The following PHIP variants were observed in gnomAD, a reference collection of about 807,000 sequenced individuals.
PHIP encodes PHIP subunit of CUL4-Ring ligase complex.
A neutral mutation model predicts 236.8 loss-of-function variants in PHIP; 54 were observed. That is an observed-to-expected ratio of 0.23 (90% CI 0.18 to 0.29). PHIP has a LOEUF of 0.29. Ranked by LOEUF, PHIP falls within the 10% of genes least tolerant of loss-of-function variation. PHIP has a pLI of 1.00. For missense variants in PHIP, 1,370 were observed against 2,190.8 expected (o/e 0.63, Z 7.48); for synonymous variants, 756 against 718.9 (o/e 1.05, Z -0.83).
intron 17 of PHIP, among the ~76,000 whole-genome samples, chr6:79,000,402 T>C (rs956861413): frequency 2.0e-5 from 3 of 152,084 alleles, no homozygotes; most frequent in African/African-American, 7.2e-5. Context: ...TCCCTGTGAT[T>C]CTATGACACA....
chr6:79,077,425 G>T, intron 4 of PHIP, 23 bp downstream of exon 4: 2 of 1,581,668 alleles, frequency 1.3e-6, no homozygotes, highest in Non-Finnish European at 1.7e-6. Context: ...AAGTTTCTTT[G>T]CTCTGCGACG....
At chr6:79,046,073 A>G (rs780344282) in intron 6 of PHIP, among the ~76,000 whole-genome samples, 1 of 152,166 alleles carries the variant, frequency 6.6e-6, no homozygotes, top group Non-Finnish European at 1.5e-5. Flanking sequence ...TTCCTGATAC[A>G]TCAGCCTAAG....
Position 78,935,516 on chromosome 6 carries a change from CT to C in PHIP, c.*5176del. ...CAAAGTGTTCCACTGAAATGTATCT[CT>C]TACGAAAGTATCTGAATAGTGAAGT... is the stretch of plus-strand genomic sequence containing the variant. On this transcript the variant is annotated 3_prime_UTR_variant, in exon 40 of 40. Transcript: ENST00000275034. The C allele has an allele frequency of 1.0e-6, 1 of 977,888 alleles. No individual in the cohort carries two copies. The highest frequency in any genetic ancestry group is 1.2e-6 in the Non-Finnish European group (1 of 823,180). The allele number at this position is 977,888 out of a possible 1,614,324, so 60.6% of individuals were successfully genotyped here. A position where few individuals can be genotyped will look rare whatever the true frequency, so the allele number is the denominator to read the frequency against.
intron 24 of PHIP, among the ~76,000 whole-genome samples, chr6:78,973,243 A>G (rs1016050263): frequency 6.6e-6 from 1 of 151,884 alleles, no homozygotes; most frequent in African/African-American, 2.4e-5. Flanking sequence ...AAAGAAAAGA[A>G]TTTTCAACCC....
chr6:79,072,896 A>C (rs1314964671), intron 4 of PHIP, among the ~76,000 whole-genome samples: 1 of 152,218 alleles, frequency 6.6e-6, no homozygotes, highest in Non-Finnish European at 1.5e-5. Flanking sequence ...TAAGCAGAAC[A>C]ACCTTTACTA....
At chr6:78,967,219 G>A (rs1324709734) in intron 27 of PHIP, among the ~76,000 whole-genome samples, 1 of 152,164 alleles carries the variant, frequency 6.6e-6, no homozygotes, top group East Asian at 1.9e-4. Context: ...GGAGCCAGGA[G>A]AAAAGTTAAT....
chr6:78,947,053 G>T (rs1166859135), intron 36 of PHIP, among the ~76,000 whole-genome samples, 179 bp from the exon 37 acceptor site: 2 of 152,002 alleles, frequency 1.3e-5, no homozygotes, highest in Admixed American at 1.3e-4. Flanking sequence ...TAACAATTAT[G>T]TATTTTTGTG....
rs1323556906 is a variant in PHIP, at chr6:78,997,455, A to C, written c.2160T>G (p.Ser720Arg). Residue 720 changes from serine to arginine, a missense_variant, in exon 19 of 40, where the codon AGT (serine) becomes AGG (arginine). Around this residue, in one of 14 missense-constraint regions of PHIP, gnomAD observed 133 missense variants for 245.2 expected, o/e 0.54. Coordinates refer to ENST00000275034, the MANE Select transcript of PHIP (RefSeq NM_017934.7). Reference protein sequence around the residue: ...IATERDLVAWSRRVVVPELSA... With the variant: ...IATERDLVAWRRRVVVPELSA... ...ATAGCTCGGGTACTACCACCCTTCG[A>C]CTCCAAGCTACCAGATCCCGCTCTG... 1 of 1,613,046 alleles carries C rather than the reference A, an allele frequency of 6.2e-7. No homozygotes were observed. The highest frequency in any genetic ancestry group is 8.5e-7 in the Non-Finnish European group (1 of 1,179,642).
chr6:79,077,989 A>T (rs1178021285), intron 1 of PHIP, 40 bp downstream of exon 1: 2 of 1,603,534 alleles, frequency 1.2e-6, no homozygotes, highest in Non-Finnish European at 1.7e-6. Flanking sequence ...CGCGGGCGGA[A>T]TCGCCCGGTG....
intron 31 of PHIP, among the ~76,000 whole-genome samples, chr6:78,959,736 G>A (rs1766652585): frequency 6.6e-6 from 1 of 151,884 alleles, no homozygotes; most frequent in Admixed American, 6.6e-5. Context: ...TTCCTAAATT[G>A]GCTACAAAAC....
intron 7 of PHIP, among the ~76,000 whole-genome samples, chr6:79,032,233 C>T (rs1423048105): frequency 6.6e-6 from 1 of 152,188 alleles, no homozygotes; most frequent in African/African-American, 2.4e-5. Flanking sequence ...GTTGGCTGAT[C>T]AGGGTGGAGT....
intron 24 of PHIP, among the ~76,000 whole-genome samples, chr6:78,973,010 T>C (rs941663935): frequency 4.6e-5 from 7 of 151,964 alleles, no homozygotes; most frequent in Non-Finnish European, 1.0e-4. Flanking sequence ...ACGTTGAGAT[T>C]CAGGAAATAC....
chr6:79,060,953 A>G (rs560492486), intron 4 of PHIP, 135 bp from the exon 5 acceptor site: 7 of 546,984 alleles, frequency 1.3e-5, no homozygotes, highest in African/African-American at 9.7e-5. Flanking sequence ...AAATCTCCAG[A>G]ATAATTAAGA....
chr6:79,025,774 G>C (rs1282803398), intron 8 of PHIP, among the ~76,000 whole-genome samples, 155 bp from the exon 9 acceptor site: 2 of 152,146 alleles, frequency 1.3e-5, no homozygotes, highest in Non-Finnish European at 2.9e-5. Flanking sequence ...TATTTATAAA[G>C]AAAGCAGACA....
At chr6:78,978,114 T>A (rs1768246226) in intron 24 of PHIP, among the ~76,000 whole-genome samples, 2 of 152,066 alleles carry the variant, frequency 1.3e-5, no homozygotes, top group Non-Finnish European at 2.9e-5. Flanking sequence ...CCTCAGTTTC[T>A]TAAAAATTAA....
intron 23 of PHIP, among the ~76,000 whole-genome samples, chr6:78,982,043 C>T (rs547713428): frequency 6.7e-4 from 102 of 151,934 alleles, no homozygotes; most frequent in African/African-American, 2.3e-3. Flanking sequence ...GAATAAAGAC[C>T]CTACGGTCTC....
chr6:79,060,298 T>C (rs116141053), intron 6 of PHIP, among the ~76,000 whole-genome samples, 180 bp downstream of exon 6: 149 of 152,308 alleles, frequency 9.8e-4, no homozygotes, highest in African/African-American at 3.5e-3. Context: ...CAATCCCTCA[T>C]TATACATGAC....
chr6:79,006,739 AAATT>A (rs1770312329), intron 15 of PHIP, among the ~76,000 whole-genome samples: 3 of 152,022 alleles, frequency 2.0e-5, no homozygotes. Flanking sequence ...AAGTAATGAG[AAATT>A]ATCAAAATAA....
Position 78,935,474 on chromosome 6 carries a change from T to C in PHIP, c.*5219A>G, listed in dbSNP as rs560147456. The C allele has an allele frequency of 3.9e-5, 38 of 976,036 alleles. No homozygotes were observed. The African/African-American group carries it at 6.3e-4, about 16-fold the overall frequency. The allele number at this position is 976,036 out of a possible 1,614,324, so 60.5% of individuals were successfully genotyped here. A position where few individuals can be genotyped will look rare whatever the true frequency, so the allele number is the denominator to read the frequency against. On this transcript the variant is annotated 3_prime_UTR_variant, in exon 40 of 40. Transcript: ENST00000275034. Reference sequence around the variant, plus strand: ...CTTTTTTCCCAGAAATTGCACATTTTTGAGAAAATATTTATGCAAAGTGTT... The same window carrying C: ...CTTTTTTCCCAGAAATTGCACATTTCTGAGAAAATATTTATGCAAAGTGTT...
Sources: gnomAD v4.1 joint callset for allele counts (sites outside exome capture counted in the v4.1 genomes callset) on GRCh38, gnomAD v4.1.1 for gene constraint, gnomAD v4.1.1 regional missense constraint, MANE v1.5 for transcripts, NCBI Gene and HGNC (gene_info 2026-07-23, HGNC 2026-07-21) for gene names.